CNTN5: variants seen among roughly 807,000 people sequenced by gnomAD.
CNTN5 encodes contactin 5, also known as contactin-5.
A neutral mutation model predicts 129.1 loss-of-function variants in CNTN5; 77 were observed. That is an observed-to-expected ratio of 0.60 (90% CI 0.50 to 0.72). CNTN5 has a LOEUF of 0.72. CNTN5 is among the 30% of genes least tolerant of loss of function. CNTN5 has a pLI of 0.00. For missense variants in CNTN5, 1,478 were observed against 1,328.8 expected (o/e 1.11, Z -1.75); for synonymous variants, 509 against 465.6 (o/e 1.09, Z -1.20).
chr11:99,533,774 T>A (rs7107619), intron 2 of CNTN5, among the ~76,000 whole-genome samples: 3,010 of 152,324 alleles, frequency 0.02, 101 homozygotes, highest in African/African-American at 0.068. Flanking sequence ...ACTCCCTTTG[T>A]TGGAGGGAAA....
chr11:99,185,859 ACAATTTAAAAATAACCCATCAAAATT>A (rs1858324657), intron 1 of CNTN5, among the ~76,000 whole-genome samples: 1 of 104,518 alleles, frequency 9.6e-6, no homozygotes, highest in Non-Finnish European at 2.1e-5. Flanking sequence ...AAATGTTATC[ACAATTTAAAAATAACCCATCAAAATT>A]AAGGAGAGGA....
chr11:100,179,309 A>G (rs997961526), intron 13 of CNTN5, among the ~76,000 whole-genome samples: 14 of 152,078 alleles, frequency 9.2e-5, no homozygotes, highest in Non-Finnish European at 1.5e-4. Context: ...AACCTGTAGC[A>G]TTTGGATCAT....
At chr11:99,241,126 A>G (rs772635603) in intron 1 of CNTN5, among the ~76,000 whole-genome samples, 4 of 152,122 alleles carry the variant, frequency 2.6e-5, no homozygotes, top group Non-Finnish European at 5.9e-5. Flanking sequence ...GTTTCAGCCC[A>G]GTCTTTTAAT....
Position 99,483,023 on chromosome 11 carries a change from A to C in CNTN5, c.-70-73122A>C, listed in dbSNP as rs574050962. 3.6e-4 allele frequency among the ~76,000 whole-genome samples: 54 copies of C among 151,918 alleles called. 1 individual carries two copies. The highest frequency in any genetic ancestry group is 8.7e-4 in the African/African-American group (36 of 41,458). ...AGCCTGTCTCTACTAAAAATACAAA[A>C]ATTAGCTGGGCGTGGGGTGGCCCGT... On this transcript the variant is annotated intron_variant, in intron 2 of 24. Transcript: ENST00000524871.
chr11:99,577,300 C>A (rs1431999992), intron 3 of CNTN5, among the ~76,000 whole-genome samples: 1 of 152,104 alleles, frequency 6.6e-6, no homozygotes, highest in Admixed American at 6.6e-5. Context: ...ATTCTTGCCC[C>A]CATCCCTCTC....
intron 4 of CNTN5, among the ~76,000 whole-genome samples, chr11:99,823,554 C>T (rs1365835400): frequency 6.6e-6 from 1 of 151,838 alleles, no homozygotes; most frequent in Non-Finnish European, 1.5e-5. Context: ...AGATATAATT[C>T]CAATTGTCCT....
intron 2 of CNTN5, among the ~76,000 whole-genome samples, chr11:99,456,007 T>C (rs1157294038): frequency 6.6e-6 from 1 of 152,170 alleles, no homozygotes; most frequent in Non-Finnish European, 1.5e-5. Context: ...AACACAGGTC[T>C]TTCTGTTTCA....
At chr11:99,829,813 T>C (rs902363025) in intron 4 of CNTN5, among the ~76,000 whole-genome samples, 1 of 152,176 alleles carries the variant, frequency 6.6e-6, no homozygotes, top group African/African-American at 2.4e-5. Flanking sequence ...CAAGGTAACA[T>C]AGGTTAATTG....
At chr11:99,494,839 G>A (rs1432209943) in intron 2 of CNTN5, among the ~76,000 whole-genome samples, 1 of 152,086 alleles carries the variant, frequency 6.6e-6, no homozygotes, top group Non-Finnish European at 1.5e-5. Flanking sequence ...GGGAACTGGA[G>A]TTTTAAATGA....
At chr11:99,359,249 C>T (rs1483280315) in intron 2 of CNTN5, among the ~76,000 whole-genome samples, 1 of 152,080 alleles carries the variant, frequency 6.6e-6, no homozygotes, top group Non-Finnish European at 1.5e-5. Context: ...GGCAGTACAA[C>T]CAACTCTATA....
chr11:100,304,791 G>C (rs779963662), intron 20 of CNTN5, among the ~76,000 whole-genome samples: 6 of 151,032 alleles, frequency 4.0e-5, no homozygotes, highest in Non-Finnish European at 7.4e-5. Flanking sequence ...TCTTGAGTAA[G>C]TAGCTTAACC....
chr11:99,619,219 AATGTTATTTATAT>A (rs1461118068), intron 3 of CNTN5, among the ~76,000 whole-genome samples: 4 of 152,108 alleles, frequency 2.6e-5, no homozygotes, highest in African/African-American at 9.7e-5. Context: ...AGATTTTAAC[AATGTTATTTATAT>A]ATCCTAAAAT....
At chr11:99,084,621 T>C (rs1256690102) in intron 1 of CNTN5, among the ~76,000 whole-genome samples, 1 of 152,208 alleles carries the variant, frequency 6.6e-6, no homozygotes, top group Non-Finnish European at 1.5e-5. Flanking sequence ...TACTTCTAGA[T>C]TTCCCTTTTT....
intron 13 of CNTN5, among the ~76,000 whole-genome samples, chr11:100,114,956 C>T (rs549278818): frequency 2.6e-5 from 4 of 151,866 alleles, no homozygotes; most frequent in African/African-American, 7.2e-5. Context: ...CTCCACCCAC[C>T]ATTCTGACTG....
chr11:99,968,890 C>G (rs1450134695), intron 8 of CNTN5, among the ~76,000 whole-genome samples: 1 of 151,736 alleles, frequency 6.6e-6, no homozygotes, highest in Non-Finnish European at 1.5e-5. Flanking sequence ...TTGTATCAAA[C>G]TCTGCAGGAA....
At chr11:100,041,224 A>C (rs1291734958) in intron 9 of CNTN5, among the ~76,000 whole-genome samples, 2 of 152,168 alleles carry the variant, frequency 1.3e-5, no homozygotes, top group Admixed American at 6.5e-5. Flanking sequence ...TTCCTTGTCT[A>C]AATAACTCCT....
At chr11:99,209,683 C>T (rs114673555) in intron 1 of CNTN5, among the ~76,000 whole-genome samples, 1,702 of 152,078 alleles carry the variant, frequency 0.011, 40 homozygotes, top group African/African-American at 0.038. Context: ...CTATATTCTA[C>T]GATTAATATC....
intron 15 of CNTN5, among the ~76,000 whole-genome samples, chr11:100,218,908 T>TA (rs1949200893): frequency 6.6e-6 from 1 of 152,116 alleles, no homozygotes; most frequent in Non-Finnish European, 1.5e-5. Flanking sequence ...TTTAAAGGAT[T>TA]AACTTAGCAT....
chr11:99,658,829 A>G (rs1000504944), intron 3 of CNTN5, among the ~76,000 whole-genome samples: 1 of 145,268 alleles, frequency 6.9e-6, no homozygotes, highest in East Asian at 2.0e-4. Flanking sequence ...TGGAGGATGC[A>G]GTGGGCCAAG....
Sources: allele counts gnomAD v4.1 joint callset (sites outside exome capture counted in the v4.1 genomes callset), GRCh38; gene constraint gnomAD v4.1.1; transcripts MANE v1.5; gene names NCBI Gene and HGNC (gene_info 2026-07-23, HGNC 2026-07-21).